Variants in TRIO observed in about 807,000 individuals in gnomAD.
TRIO encodes trio Rho guanine nucleotide exchange factor.
In TRIO, 58 loss-of-function variants were observed where a neutral mutation model predicts 351.9. That is an observed-to-expected ratio of 0.16 (90% CI 0.13 to 0.21). The LOEUF (loss-of-function observed/expected upper bound fraction) is 0.21. Among genes scored for constraint, TRIO ranks in the 10% least tolerant of loss-of-function variants. The pLI is 1.00. For missense variants in TRIO, 3,201 were observed against 4,027.8 expected, an observed-to-expected ratio of 0.79 and a Z score of 5.56; for synonymous variants, 1,758 against 1,595.7, an observed-to-expected ratio of 1.10 and a Z score of -2.42.
At chr5:14,194,730 CTG>C (rs1790664986) in intron 1 of TRIO, among the ~76,000 whole-genome samples, 3 of 152,156 alleles carry the variant, frequency 2.0e-5, no homozygotes, top group Non-Finnish European at 2.9e-5. Context: ...TGATTTAAGT[CTG>C]TATTTATTTT....
chr5:14,329,086 CT>C (rs1740669030), intron 9 of TRIO, among the ~76,000 whole-genome samples: 1 of 152,170 alleles, frequency 6.6e-6, no homozygotes. Context: ...CCAGCTGCTG[CT>C]TTTTTCCCCC....
chr5:14,173,154 C>T (rs1047684210), intron 1 of TRIO, among the ~76,000 whole-genome samples: 5 of 146,030 alleles, frequency 3.4e-5, no homozygotes, highest in Non-Finnish European at 6.0e-5. Context: ...GTATAAGTTA[C>T]TGAACAGCCA....
Position 14,389,535 on chromosome 5 carries a change from T to G in TRIO, c.4058+137T>G. The G allele has an allele frequency of 5.0e-6, 3 of 595,144 alleles. No individual in the cohort carries two copies. In the South Asian group the frequency reaches 7.6e-5, roughly 15 times the overall value. The allele number at this position is 595,144 out of a possible 1,614,324, so 36.9% of individuals were successfully genotyped here. On this transcript the variant is annotated intron_variant, in intron 25 of 56. Transcript: ENST00000344204. ...CCATTTGAATGAAGCCTATCAGTCT[T>G]TCTCCAAAAAGACTGACATTCTAGA...
intron 36 of TRIO, among the ~76,000 whole-genome samples, chr5:14,463,697 A>G (rs2126512649): frequency 6.6e-6 from 1 of 151,202 alleles, no homozygotes; most frequent in South Asian, 2.1e-4. Flanking sequence ...TTTGGCAGTA[A>G]CTAAATTTTC....
intron 1 of TRIO, among the ~76,000 whole-genome samples, chr5:14,167,457 C>A (rs1377189891): frequency 1.3e-5 from 2 of 152,072 alleles, no homozygotes; most frequent in African/African-American, 4.8e-5. Flanking sequence ...ATGAGGCCAA[C>A]CCAGTTTTTC....
At chr5:14,498,717 G>A in intron 53 of TRIO, 77 bp downstream of exon 53, 1 of 1,574,740 alleles carries the variant, frequency 6.4e-7, no homozygotes, top group Non-Finnish European at 8.7e-7. Context: ...TCCTGAGTCT[G>A]CCCTTACACT....
intron 11 of TRIO, among the ~76,000 whole-genome samples, chr5:14,351,011 C>G (rs1010382442): frequency 6.6e-6 from 1 of 152,158 alleles, no homozygotes; most frequent in African/African-American, 2.4e-5. Flanking sequence ...CTGTGAGAAT[C>G]TAATGCCGCT....
chr5:14,309,409 C>T (rs940302330), intron 8 of TRIO, among the ~76,000 whole-genome samples: 2 of 152,322 alleles, frequency 1.3e-5, no homozygotes, highest in African/African-American at 4.8e-5. Flanking sequence ...TTGGCACCTC[C>T]ACCCCTCACT....
chr5:14,331,056 T>TA (rs1318057199), intron 10 of TRIO, among the ~76,000 whole-genome samples, 156 bp downstream of exon 10: 1 of 152,296 alleles, frequency 6.6e-6, no homozygotes, highest in East Asian at 1.9e-4. Context: ...AAGTTGTCAT[T>TA]GCCTAGGCAG....
intron 18 of TRIO, 51 bp from the exon 19 acceptor site, chr5:14,374,178 C>A: frequency 1.4e-6 from 2 of 1,428,872 alleles, no homozygotes; most frequent in Non-Finnish European, 9.8e-7. Flanking sequence ...ACTCCAAATA[C>A]ACGTTTGTAG....
intron 11 of TRIO, among the ~76,000 whole-genome samples, chr5:14,339,271 G>A (rs564828354): frequency 3.3e-5 from 5 of 152,276 alleles, no homozygotes; most frequent in African/African-American, 9.6e-5. Context: ...CAGAGGCTTC[G>A]TTTGGGCTCA....
Position 14,408,738 on chromosome 5 carries a change from A to G in TRIO, c.4959+2066A>G, listed in dbSNP as rs182516450. ...TCATGGGTGCTCAAGTGTGTGGGAA[A>G]GTGGCCCGCATTCAGGGCATTTCCA... On this transcript the variant is annotated intron_variant, in intron 33 of 56. Transcript: ENST00000344204. Among the ~76,000 whole-genome samples, 503 of 152,268 alleles carry G rather than the reference A, an allele frequency of 3.3e-3. 6 individuals are homozygous for G. Among genetic ancestry groups the G allele is most frequent in the Non-Finnish European group, 3.7e-3 (252 of 68,014 alleles).
chr5:14,223,289 A>G (rs1792766346), intron 1 of TRIO, among the ~76,000 whole-genome samples: 1 of 152,030 alleles, frequency 6.6e-6, no homozygotes, highest in African/African-American at 2.4e-5. Context: ...ACAAAAATGT[A>G]TGCACGTCTT....
At chr5:14,308,323 C>CCCATCCATCCATCCATCTATAT (rs368151550) in intron 8 of TRIO, among the ~76,000 whole-genome samples, 1 of 147,818 alleles carries the variant, frequency 6.8e-6, no homozygotes, top group African/African-American at 2.6e-5. Context: ...CACCCAACCA[C>CCCATCCATCCATCCATCTATAT]CCATCCATCC....
intron 27 of TRIO, 53 bp downstream of exon 27, chr5:14,391,043 A>G (rs1400372006): frequency 7.1e-7 from 1 of 1,413,874 alleles, no homozygotes; most frequent in East Asian, 2.4e-5. Context: ...TGTACATAAA[A>G]TGCGGCATTA....
At position 14,262,032 on chromosome 5, in the gene TRIO, G is replaced by A. The variant is rs544708855; in HGVS notation, c.158-8793G>A. ...AGATGGATACTCTGCCCAGAACTGC[G>A]AATTGTAGAGTACCACGTGTTTGCT... On this transcript the variant is annotated intron_variant, in intron 1 of 56. Coordinates refer to ENST00000344204, the MANE Select transcript of TRIO (RefSeq NM_007118.4). Among the ~76,000 whole-genome samples the A allele has an allele frequency of 7.2e-5, 11 of 152,294 alleles. No homozygotes were observed. In the East Asian group the frequency reaches 7.7e-4, roughly 11 times the overall value.
intron 1 of TRIO, among the ~76,000 whole-genome samples, chr5:14,219,291 C>A (rs1343935017): frequency 6.6e-6 from 1 of 151,988 alleles, no homozygotes; most frequent in East Asian, 1.9e-4. Context: ...GTTTTCCTTA[C>A]CCCCCGCCCA....
At chr5:14,323,191 G>T in intron 9 of TRIO, among the ~76,000 whole-genome samples, 1 of 152,134 alleles carries the variant, frequency 6.6e-6, no homozygotes, top group East Asian at 1.9e-4. Context: ...ACAAATGTGT[G>T]TTGAATTCTG....
rs538553906 is a variant in TRIO, at chr5:14,157,855, T to G, written c.157+13973T>G. ...CACCTGCCTCAGTCTCCCAAAGGCTTGAGATTATACACAGGAGCCACTGCA... is the reference window on the plus strand; with the variant it reads ...CACCTGCCTCAGTCTCCCAAAGGCTGGAGATTATACACAGGAGCCACTGCA... On this transcript the variant is annotated intron_variant, in intron 1 of 56. Transcript: ENST00000344204. Among the ~76,000 whole-genome samples the G allele has an allele frequency of 3.0e-4, 46 of 152,308 alleles. 1 individual carries two copies. The South Asian group carries it at 9.3e-3, about 31-fold the overall frequency.
Sources: allele counts gnomAD v4.1 joint callset (sites outside exome capture counted in the v4.1 genomes callset), GRCh38; gene constraint gnomAD v4.1.1; transcripts MANE v1.5; gene names NCBI Gene and HGNC (gene_info 2026-07-23, HGNC 2026-07-21).